OVOL2: variants seen among roughly 807,000 people sequenced by gnomAD.
OVOL2 encodes ovo like zinc finger 2.
In OVOL2, 13 loss-of-function variants were observed where a neutral mutation model predicts 18.1. The ratio of observed to expected loss-of-function variants is 0.72; its 90% CI spans 0.47 to 1.14. OVOL2 has a LOEUF of 1.14. OVOL2 is among the 50% of genes most tolerant of loss of function. OVOL2 has a pLI of 0.00. For missense variants in OVOL2, 335 were observed against 383.0 expected, an observed-to-expected ratio of 0.87 and a Z score of 1.05; for synonymous variants, 166 against 162.7, an observed-to-expected ratio of 1.02 and a Z score of -0.16.
At chr20:18,051,155 C>T (rs1055432184) in intron 2 of OVOL2, among the ~76,000 whole-genome samples, 4 of 151,944 alleles carry the variant, frequency 2.6e-5, no homozygotes, top group African/African-American at 4.8e-5. Context: ...ATAGGAGGAT[C>T]GTTTCAGCCC....
rs1297458937 is a variant in OVOL2, at chr20:18,041,569, G to A, written c.476C>T (p.Thr159Ile). The change falls in exon 3 of 4, where the codon ACC becomes ATC. Residue 159 changes from threonine to isoleucine, a missense_variant. By Grantham distance (89) the Thr-to-Ile change is moderately conservative (BLOSUM62 -1). Transcript: ENST00000278780. Reference protein sequence around the residue: ...CTFCGKGFNDTFDLKRHVRTH... With the variant: ...CTFCGKGFNDIFDLKRHVRTH... ...GCGGACGTGCCTCTTCAGGTCGAAG[G>A]TGTCGTTGAAGCCCTTGCCGCAGAA... is the stretch of plus-strand genomic sequence containing the variant. 6.2e-7 allele frequency: 1 copy of A among 1,614,018 alleles called. No homozygotes were observed. The highest frequency in any genetic ancestry group is 1.7e-5 in the Admixed American group (1 of 60,018).
chr20:18,049,505 T>G (rs1048334793), intron 2 of OVOL2, among the ~76,000 whole-genome samples: 5 of 152,162 alleles, frequency 3.3e-5, no homozygotes, highest in African/African-American at 1.2e-4. Context: ...GCTTGAATGC[T>G]AAAAGCATGC....
At chr20:18,040,451 A>G (rs2036658265) in intron 3 of OVOL2, among the ~76,000 whole-genome samples, 1 of 152,208 alleles carries the variant, frequency 6.6e-6, no homozygotes, top group African/African-American at 2.4e-5. Context: ...AGGCCTTTAC[A>G]CGAAGCCCAT....
intron 3 of OVOL2, among the ~76,000 whole-genome samples, chr20:18,026,021 G>T (rs1046329165): frequency 6.6e-6 from 1 of 152,216 alleles, no homozygotes; most frequent in Non-Finnish European, 1.5e-5. Context: ...GGCATTTGTG[G>T]CAGTTATGAA....
chr20:18,038,382 G>C (rs1204085435), intron 3 of OVOL2, among the ~76,000 whole-genome samples: 3 of 152,170 alleles, frequency 2.0e-5, no homozygotes, highest in Non-Finnish European at 4.4e-5. Flanking sequence ...GTATTAAAAT[G>C]ATCACACCCA....
In OVOL2 at chr20:18,057,091, G is replaced by T. The variant is rs1203965406; in HGVS notation, c.101-214C>A. Among the ~76,000 whole-genome samples, 1 of 152,162 alleles carries T rather than the reference G, an allele frequency of 6.6e-6. No homozygotes were observed. Among genetic ancestry groups the T allele is most frequent in the Non-Finnish European group, 1.5e-5 (1 of 68,016 alleles). On this transcript the variant is annotated intron_variant, in intron 1 of 3. Transcript: ENST00000278780. The surrounding 1 kb of genome is among the most constrained non-coding windows in gnomAD (Gnocchi z 6.3). ...GCCTCTTTCCGGTCCCAGCCAAGGC[G>T]CCCACGAGGAACCGGGCGGCCACGA... is the stretch of plus-strand genomic sequence containing the variant.
At chr20:18,025,758 T>C (rs1458216351) in intron 3 of OVOL2, among the ~76,000 whole-genome samples, 1 of 152,232 alleles carries the variant, frequency 6.6e-6, no homozygotes, top group Non-Finnish European at 1.5e-5. Context: ...TCCAGTCCTC[T>C]GTGCAACGCA....
chr20:18,033,901 C>T (rs981674882), intron 3 of OVOL2, among the ~76,000 whole-genome samples: 6 of 152,102 alleles, frequency 3.9e-5, no homozygotes, highest in African/African-American at 7.2e-5. Context: ...TAAATAAATC[C>T]GAAAGAATGT....
At chr20:18,040,945 C>G (rs2183077) in intron 3 of OVOL2, among the ~76,000 whole-genome samples, 43,909 of 152,088 alleles carry the variant, frequency 0.29, 7,391 homozygotes, top group African/African-American at 0.48. Context: ...GTGGCAGGCC[C>G]CGCGTGTGTG....
chr20:18,036,343 C>A (rs1194850267), intron 3 of OVOL2, among the ~76,000 whole-genome samples: 10 of 151,928 alleles, frequency 6.6e-5, no homozygotes, highest in African/African-American at 2.4e-4. Context: ...TCTTTTTTTG[C>A]ATTACAACTT....
intron 3 of OVOL2, among the ~76,000 whole-genome samples, chr20:18,032,291 AAAGG>A (rs200571947): frequency 0.013 from 1,964 of 150,462 alleles, 36 homozygotes; most frequent in African/African-American, 0.042. Context: ...AAAGGAAAGG[AAAGG>A]AAGGAAGGAA....
intron 3 of OVOL2, among the ~76,000 whole-genome samples, chr20:18,025,625 A>G (rs932200645): frequency 3.3e-5 from 5 of 152,130 alleles, no homozygotes; most frequent in Non-Finnish European, 5.9e-5. Context: ...ATTCCAGTAC[A>G]AGTAGTTTAT....
At chr20:18,048,772 T>C (rs923215001) in intron 2 of OVOL2, among the ~76,000 whole-genome samples, 1 of 152,062 alleles carries the variant, frequency 6.6e-6, no homozygotes, top group Non-Finnish European at 1.5e-5. Flanking sequence ...TTCTCTCCTA[T>C]CTCCCGTGAC....
chr20:18,041,424 A>T, intron 3 of OVOL2, 110 bp downstream of exon 3: 1 of 1,312,358 alleles, frequency 7.6e-7, no homozygotes, highest in East Asian at 2.5e-5. Context: ...TGATCTTTCT[A>T]GAAACACAAC....
chr20:18,057,722 G>A lies in OVOL2; in HGVS notation c.-88C>T, dbSNP rs2036844264. The stretch of plus-strand genomic sequence containing the variant: ...GCGGCGGCTCCGTCCCCGGCTCCCG[G>A]CGGCCAGAGCCCACCTTCCCGCCTC... On this transcript the variant is annotated 5_prime_UTR_variant, in exon 1 of 4. Coordinates refer to ENST00000278780, the MANE Select transcript of OVOL2 (RefSeq NM_021220.4). This position sits in a 1 kb window ranked among gnomAD's most constrained non-coding sequence, Gnocchi z 6.3. 4.8e-6 allele frequency: 7 copies of A among 1,459,026 alleles called. No homozygotes were observed. In the Admixed American group the frequency reaches 1.8e-4, roughly 37 times the overall value. The allele number at this position is 1,459,026 out of a possible 1,614,324, so 90.4% of individuals were successfully genotyped here.
At chr20:18,051,183 C>T (rs2036768539) in intron 2 of OVOL2, among the ~76,000 whole-genome samples, 1 of 151,826 alleles carries the variant, frequency 6.6e-6, no homozygotes, top group Admixed American at 6.6e-5. Context: ...TGAGACCAGC[C>T]TGGGCAACAT....
At chr20:18,054,777 A>AAAAAG (rs2036802589) in intron 2 of OVOL2, among the ~76,000 whole-genome samples, 3 of 135,816 alleles carry the variant, frequency 2.2e-5, no homozygotes, top group Non-Finnish European at 3.2e-5. Flanking sequence ...AAAAAAAAAA[A>AAAAAG]AAAAAGAAAG....
chr20:18,039,767 C>T (rs1180212341), intron 3 of OVOL2, among the ~76,000 whole-genome samples: 3 of 152,148 alleles, frequency 2.0e-5, no homozygotes, highest in Admixed American at 1.3e-4. Flanking sequence ...AGAGCAAACA[C>T]GCATGATATG....
At position 18,056,626 on chromosome 20, in the gene OVOL2, G is replaced by T. The variant is rs1211369310; in HGVS notation, c.321+31C>A. Reference sequence around the variant, plus strand: ...GAGCCCGACGCCAGGGCGTGGTGCAGGTGGCGGCGGGGGCAGAGTCGACAC... The same window carrying T: ...GAGCCCGACGCCAGGGCGTGGTGCATGTGGCGGCGGGGGCAGAGTCGACAC... On this transcript the variant is annotated intron_variant, in intron 2 of 3. Coordinates refer to ENST00000278780, the MANE Select transcript of OVOL2 (RefSeq NM_021220.4). The surrounding 1 kb of genome is among the most constrained non-coding windows in gnomAD (Gnocchi z 4.2). The T allele has an allele frequency of 2.2e-6, 3 of 1,372,886 alleles. No homozygotes were observed. The highest frequency in any genetic ancestry group is 3.1e-5 in the African/African-American group (2 of 65,308). The allele number at this position is 1,372,886 out of a possible 1,614,324, so 85.0% of individuals were successfully genotyped here.
Sources: allele counts gnomAD v4.1 joint callset (sites outside exome capture counted in the v4.1 genomes callset), GRCh38; gene constraint gnomAD v4.1.1; non-coding constraint Gnocchi (gnomAD v3.1); transcripts MANE v1.5; gene names NCBI Gene and HGNC (gene_info 2026-07-23, HGNC 2026-07-21).